The following ABR variants were observed in gnomAD, a reference collection of about 807,000 sequenced individuals.
ABR encodes the protein active breakpoint cluster region-related protein.
ABR carries 35 observed loss-of-function variants against 107.2 expected under a neutral mutation model. The observed-to-expected ratio is 0.33, with a 90% CI of 0.25 to 0.43. The LOEUF is 0.43. Ranked by LOEUF, ABR falls within the 20% of genes least tolerant of loss-of-function variation. ABR has a pLI of 1.00. For missense variants in ABR, 815 were observed against 1,115.2 expected, an observed-to-expected ratio of 0.73 and a Z score of 3.83; for synonymous variants, 498 against 462.0, an observed-to-expected ratio of 1.08 and a Z score of -1.00.
intron 1 of ABR, chr17:1,125,597 G>A (rs567098640): frequency 2.0e-4 from 75 of 374,000 alleles, no homozygotes; most frequent in South Asian, 8.9e-4. Flanking sequence ...GGGGAGGAGC[G>A]GCTCTGCTGT....
chr17:1,167,285 C>A (rs866953097), intron 1 of ABR, among the ~76,000 whole-genome samples: 1 of 152,128 alleles, frequency 6.6e-6, no homozygotes, highest in Middle Eastern at 3.4e-3. Context: ...CCGGGGCATC[C>A]CCAGTGCTGG....
At chr17:1,186,450 C>T (rs1173674500) in intron 1 of ABR, among the ~76,000 whole-genome samples, 2 of 152,214 alleles carry the variant, frequency 1.3e-5, no homozygotes, top group Admixed American at 1.3e-4. Flanking sequence ...TGCATTCACC[C>T]CCTCACTGCC....
intron 1 of ABR, 79 bp from the exon 2 acceptor site, chr17:1,125,446 G>A (rs780078030): frequency 1.2e-5 from 19 of 1,546,574 alleles, no homozygotes; most frequent in Middle Eastern, 1.7e-4. Flanking sequence ...GGGCGCCGGC[G>A]GCGGCCCCCG....
intron 1 of ABR, among the ~76,000 whole-genome samples, chr17:1,213,392 TCA>T (rs1006994683): frequency 4.8e-4 from 73 of 152,082 alleles, no homozygotes; most frequent in Middle Eastern, 3.2e-3. Context: ...AGCTTGAAGG[TCA>T]CAGTCTTTTT....
chr17:1,204,698 T>C (rs2150727744), intron 1 of ABR, among the ~76,000 whole-genome samples: 1 of 152,244 alleles, frequency 6.6e-6, no homozygotes, highest in South Asian at 2.1e-4. Context: ...CTATATCATA[T>C]ATCATATCTA....
At chr17:1,109,204 G>T in intron 2 of ABR, 1 of 1,232,614 alleles carries the variant, frequency 8.1e-7, no homozygotes, top group South Asian at 1.7e-5. Context: ...CCCGACCCGG[G>T]ACTGCATCCC....
intron 1 of ABR, among the ~76,000 whole-genome samples, chr17:1,149,978 C>A (rs1390030447): frequency 1.3e-5 from 2 of 152,074 alleles, no homozygotes; most frequent in Non-Finnish European, 2.9e-5. Flanking sequence ...TTAGTCCAGG[C>A]GAAGTTCTAA....
At chr17:1,161,915 C>T (rs1368142992) in intron 1 of ABR, among the ~76,000 whole-genome samples, 2 of 152,320 alleles carry the variant, frequency 1.3e-5, no homozygotes, top group South Asian at 2.1e-4. Context: ...CCACCCGCTA[C>T]ACCACTAGCT....
chr17:1,045,753 G>A (rs887189831), intron 16 of ABR, among the ~76,000 whole-genome samples: 1 of 152,220 alleles, frequency 6.6e-6, no homozygotes, highest in African/African-American at 2.4e-5. Context: ...CTTCTCACTG[G>A]AGAACATGGA....
chr17:1,008,423 A>G (rs2150703633), intron 21 of ABR, among the ~76,000 whole-genome samples: 1 of 152,344 alleles, frequency 6.6e-6, no homozygotes, highest in Admixed American at 6.5e-5. Flanking sequence ...GCAGCTGTGC[A>G]GCGGGGCCAG....
intron 14 of ABR, among the ~76,000 whole-genome samples, chr17:1,053,510 A>C (rs1265137894): frequency 6.6e-6 from 1 of 152,036 alleles, no homozygotes; most frequent in East Asian, 1.9e-4. Flanking sequence ...CTCTGCACAG[A>C]TCACCTCCCT....
chr17:1,142,537 A>G (rs180814435), intron 1 of ABR, among the ~76,000 whole-genome samples: 48 of 151,760 alleles, frequency 3.2e-4, no homozygotes, highest in African/African-American at 1.1e-3. Context: ...GTGAGCTGAG[A>G]TCACACCATT....
intron 16 of ABR, among the ~76,000 whole-genome samples, chr17:1,033,155 T>C (rs2072935077): frequency 6.6e-6 from 1 of 152,200 alleles, no homozygotes; most frequent in East Asian, 1.9e-4. Flanking sequence ...CATTTCTTGG[T>C]TGACCCCAAG....
chr17:1,079,817 A>G (rs1210945946), intron 5 of ABR, among the ~76,000 whole-genome samples: 7 of 143,282 alleles, frequency 4.9e-5, no homozygotes, highest in African/African-American at 1.1e-4. Context: ...AAAAAAAAAA[A>G]AAAAAAAAAA....
upstream of ABR, among the ~76,000 whole-genome samples, chr17:1,180,563 C>A (rs1233111386): frequency 6.6e-6 from 1 of 152,158 alleles, no homozygotes; most frequent in East Asian, 1.9e-4. Context: ...CAGGACAGTC[C>A]CACATGTGCC....
intron 1 of ABR, among the ~76,000 whole-genome samples, chr17:1,140,285 G>C (rs893217666): frequency 6.6e-6 from 1 of 152,140 alleles, no homozygotes; most frequent in African/African-American, 2.4e-5. Context: ...GGTTCCGGGG[G>C]AACAGACCCT....
chr17:1,065,584 T>G lies in ABR; in HGVS notation c.1182+1493A>C, dbSNP rs113230364. 8.3e-4 allele frequency among the ~76,000 whole-genome samples: 127 copies of G among 152,294 alleles called. 1 individual carries two copies. The highest frequency in any genetic ancestry group is 2.9e-3 in the African/African-American group (120 of 41,554). On this transcript the variant is annotated intron_variant, in intron 10 of 22. Coordinates refer to ENST00000302538, the MANE Select transcript of ABR (RefSeq NM_021962.5). ...CTCTAGACACTGTTGTTATGTGAACTGAGGGCTATTCATGTTCCTCTAAAC... is the reference window on the plus strand; with the variant it reads ...CTCTAGACACTGTTGTTATGTGAACGGAGGGCTATTCATGTTCCTCTAAAC...
chr17:1,171,104 C>G (rs544657241), intron 1 of ABR, among the ~76,000 whole-genome samples: 8 of 152,204 alleles, frequency 5.3e-5, no homozygotes, highest in African/African-American at 1.9e-4. Flanking sequence ...AAAAAGATGA[C>G]GTATGGGCTG....
In ABR at chr17:1,112,512, G is replaced by A. The variant is rs562360863; in HGVS notation, c.247-11777C>T. On this transcript the variant is annotated intron_variant, in intron 2 of 22. Transcript: ENST00000302538. Reference sequence around the variant, plus strand: ...CTCAGGAGGCTGAGGTGGGAGGATCGTTTGAGCTCAAGAGTTGGAGGCTGC... The same window carrying A: ...CTCAGGAGGCTGAGGTGGGAGGATCATTTGAGCTCAAGAGTTGGAGGCTGC... 4.7e-5 allele frequency among the ~76,000 whole-genome samples: 7 copies of A among 148,486 alleles called. 1 individual carries two copies. The highest frequency in any genetic ancestry group is 2.3e-4 in the South Asian group (1 of 4,388).
Sources: gnomAD v4.1 joint callset for allele counts (sites outside exome capture counted in the v4.1 genomes callset) on GRCh38, gnomAD v4.1.1 for gene constraint, MANE v1.5 for transcripts, NCBI Gene and HGNC (gene_info 2026-07-23, HGNC 2026-07-21) for gene names.